EAF2: variants seen among roughly 807,000 people sequenced by gnomAD.
The protein encoded by EAF2 is ELL associated factor 2, also known as ELL-associated factor 2.
In EAF2, 29 loss-of-function variants were observed where a neutral mutation model predicts 29.4. The ratio of observed to expected loss-of-function variants is 0.99; its 90% CI spans 0.73 to 1.35. The LOEUF (loss-of-function observed/expected upper bound fraction) is 1.35, where lower values mean the gene tolerates loss of function less well. Ranked by LOEUF, EAF2 falls within the 40% of genes most tolerant of loss-of-function variation. The probability of loss-of-function intolerance (pLI) is 0.00; values close to 1 mark genes in which losing one functional copy is unlikely to be tolerated. For missense variants in EAF2, 292 were observed against 312.0 expected (o/e 0.94, Z 0.48); for synonymous variants, 103 against 102.5 (o/e 1.00, Z -0.03).
intron 1 of EAF2, among the ~76,000 whole-genome samples, chr3:121,840,211 A>AT (rs1438799761): frequency 1.9e-5 from 2 of 107,860 alleles, no homozygotes; most frequent in African/African-American, 7.7e-5. Context: ...AAAAAAAAAA[A>AT]GCCAGGCGCG....
intron 2 of EAF2, among the ~76,000 whole-genome samples, chr3:121,849,234 T>G (rs1219120090): frequency 1.3e-5 from 2 of 152,172 alleles, no homozygotes; most frequent in African/African-American, 4.8e-5. Context: ...GCTTTTATTA[T>G]ATTATAATTT....
intron 1 of EAF2, among the ~76,000 whole-genome samples, chr3:121,841,497 CCTG>C (rs1708424129): frequency 1.0e-5 from 1 of 96,098 alleles, no homozygotes; most frequent in Non-Finnish European, 2.0e-5. Context: ...AGAGGGAGAC[CCTG>C]TCTCAAAAAA....
At chr3:121,854,857 A>G in intron 3 of EAF2, 34 bp downstream of exon 3, 1 of 1,485,274 alleles carries the variant, frequency 6.7e-7, no homozygotes, top group Middle Eastern at 2.4e-4. Flanking sequence ...TATATTATAA[A>G]CATAAATTTC....
At chr3:121,862,812 AAGGTAGATAAAGGTTTT>A (rs1485458454) in intron 4 of EAF2, among the ~76,000 whole-genome samples, 1 of 152,040 alleles carries the variant, frequency 6.6e-6, no homozygotes, top group Non-Finnish European at 1.5e-5. Context: ...TTTATCCCAA[AAGGTAGATAAAGGTTTT>A]ATCTACCTTT....
chr3:121,870,561 T>A (rs868367900), intron 4 of EAF2, among the ~76,000 whole-genome samples: 2 of 152,064 alleles, frequency 1.3e-5, no homozygotes, highest in East Asian at 3.9e-4. Flanking sequence ...CTTTCAGAGA[T>A]CTAGAATCTT....
At chr3:121,848,127 T>C (rs1027942773) in intron 2 of EAF2, among the ~76,000 whole-genome samples, 9 of 152,214 alleles carry the variant, frequency 5.9e-5, no homozygotes, top group African/African-American at 2.2e-4. Context: ...AATTAGCCAA[T>C]TTGTAAATAC....
intron 1 of EAF2, 128 bp from the exon 2 acceptor site, chr3:121,844,325 T>C (rs1477099397): frequency 5.2e-6 from 3 of 581,526 alleles, no homozygotes; most frequent in Non-Finnish European, 9.0e-6. Context: ...ATTTGTAATA[T>C]GAATACTTTA....
At chr3:121,852,422 T>C (rs1293637449) in intron 2 of EAF2, among the ~76,000 whole-genome samples, 2 of 152,204 alleles carry the variant, frequency 1.3e-5, no homozygotes, top group Admixed American at 6.5e-5. Context: ...ACTCTCCAGC[T>C]TACCAGGGCT....
chr3:121,855,567 C>A (rs927555748), intron 3 of EAF2, among the ~76,000 whole-genome samples: 1 of 152,152 alleles, frequency 6.6e-6, no homozygotes, highest in African/African-American at 2.4e-5. Flanking sequence ...TATCCCCTCA[C>A]CCCTACCATC....
intron 2 of EAF2, among the ~76,000 whole-genome samples, chr3:121,845,098 G>T (rs1270921532): frequency 1.3e-5 from 2 of 152,154 alleles, no homozygotes; most frequent in Non-Finnish European, 2.9e-5. Flanking sequence ...GATGCCGAAA[G>T]AACAAAGAGT....
chr3:121,864,705 A>G (rs2107530163), intron 4 of EAF2, among the ~76,000 whole-genome samples: 1 of 152,202 alleles, frequency 6.6e-6, no homozygotes, highest in East Asian at 1.9e-4. Context: ...AGTCCCAGCT[A>G]CTTGGGAGGC....
chr3:121,837,272 T>C (rs1708320878), intron 1 of EAF2, among the ~76,000 whole-genome samples: 1 of 152,178 alleles, frequency 6.6e-6, no homozygotes, highest in African/African-American at 2.4e-5. Flanking sequence ...TCATTTCCAA[T>C]GTAATCCTCA....
intron 5 of EAF2, among the ~76,000 whole-genome samples, chr3:121,874,354 T>C (rs1210903630): frequency 6.6e-6 from 1 of 151,780 alleles, no homozygotes; most frequent in African/African-American, 2.4e-5. Flanking sequence ...TATTCTTGAC[T>C]TGGGAAGTAA....
chr3:121,845,440 C>CAAAAA (rs747436052), intron 2 of EAF2, among the ~76,000 whole-genome samples: 218 of 59,218 alleles, frequency 3.7e-3, no homozygotes, highest in Middle Eastern at 0.014. Context: ...TCCTACATCT[C>CAAAAA]AAAAAAAAAA....
chr3:121,841,159 A>G (rs1260013241), intron 1 of EAF2, among the ~76,000 whole-genome samples: 3 of 152,220 alleles, frequency 2.0e-5, no homozygotes, highest in African/African-American at 7.2e-5. Flanking sequence ...AGGAATATTT[A>G]GAGTAATCCT....
chr3:121,874,923 A>G (rs1390199630), intron 5 of EAF2, among the ~76,000 whole-genome samples: 1 of 151,884 alleles, frequency 6.6e-6, no homozygotes, highest in Admixed American at 6.6e-5. Context: ...ATTGGTAAGG[A>G]TCTTGGTACT....
At position 121,862,137 on chromosome 3, in the gene EAF2, C is replaced by A. The variant is rs567112193; in HGVS notation, c.484+4981C>A. On this transcript the variant is annotated intron_variant, in intron 4 of 5. Transcript: ENST00000273668. ...TTCATTTCAACATTGGTGAATCTGA[C>A]AATTATGTGTCTTGGAGTTGCTCTT... Among the ~76,000 whole-genome samples the A allele has an allele frequency of 7.2e-5, 11 of 152,256 alleles. No homozygotes were observed. The South Asian group carries it at 1.9e-3, about 26-fold the overall frequency.
At chr3:121,862,507 G>A (rs1708850886) in intron 4 of EAF2, among the ~76,000 whole-genome samples, 2 of 152,168 alleles carry the variant, frequency 1.3e-5, no homozygotes, top group Non-Finnish European at 2.9e-5. Context: ...TCGTGCCACG[G>A]TTTTCAGCTC....
At chr3:121,841,883 G>A (rs1708440909) in intron 1 of EAF2, among the ~76,000 whole-genome samples, 2 of 152,044 alleles carry the variant, frequency 1.3e-5, no homozygotes. Flanking sequence ...GTGCACGCCC[G>A]TAATCTCAGC....
Sources: gnomAD v4.1 joint callset for allele counts (sites outside exome capture counted in the v4.1 genomes callset) on GRCh38, gnomAD v4.1.1 for gene constraint, MANE v1.5 for transcripts, NCBI Gene and HGNC (gene_info 2026-07-23, HGNC 2026-07-21) for gene names.